ASB5: variants seen among roughly 807,000 people sequenced by gnomAD.
ASB5 encodes the protein ankyrin repeat and SOCS box protein 5.
Under a neutral mutation model 42.1 loss-of-function variants are expected in ASB5, and 45 were observed. The observed-to-expected ratio is 1.07, with a 90% CI of 0.84 to 1.37. The LOEUF (loss-of-function observed/expected upper bound fraction) is 1.37, where lower values mean the gene tolerates loss of function less well. Among genes scored for constraint, ASB5 ranks in the 40% most tolerant of loss-of-function variants. The probability of loss-of-function intolerance (pLI) is 0.00; values close to 1 mark genes in which losing one functional copy is unlikely to be tolerated. For missense variants in ASB5, 402 were observed against 399.8 expected, an observed-to-expected ratio of 1.01 and a Z score of -0.05; for synonymous variants, 147 against 150.6, an observed-to-expected ratio of 0.98 and a Z score of 0.18.
chr4:176,231,329 G>A (rs1285988007), intron 1 of ASB5, among the ~76,000 whole-genome samples: 3 of 151,386 alleles, frequency 2.0e-5, no homozygotes, highest in East Asian at 1.9e-4. Context: ...TATGACCGTC[G>A]GCCTCCAAAA....
chr4:176,238,667 T>C (rs541731846), intron 1 of ASB5, among the ~76,000 whole-genome samples: 66 of 152,280 alleles, frequency 4.3e-4, no homozygotes, highest in Admixed American at 1.4e-3. Context: ...TTTTCATCAG[T>C]ATTTTTAAGG....
chr4:176,263,537 G>C (rs1278863426), intron 1 of ASB5, among the ~76,000 whole-genome samples: 3 of 152,042 alleles, frequency 2.0e-5, no homozygotes, highest in Non-Finnish European at 2.9e-5. Flanking sequence ...ATAATGTCAT[G>C]TATTTTGTCA....
At chr4:176,229,901 A>G (rs1180701533) in intron 1 of ASB5, among the ~76,000 whole-genome samples, 1 of 152,182 alleles carries the variant, frequency 6.6e-6, no homozygotes, top group Non-Finnish European at 1.5e-5. Flanking sequence ...ATCTCTCACT[A>G]TTCCTTGAAG....
At chr4:176,233,020 T>A (rs1037057539) in intron 1 of ASB5, among the ~76,000 whole-genome samples, 2 of 152,198 alleles carry the variant, frequency 1.3e-5, no homozygotes, top group Non-Finnish European at 2.9e-5. Context: ...AGTTAACATC[T>A]TGAAACCCAG....
At chr4:176,238,811 C>G (rs1410040947) in intron 1 of ASB5, among the ~76,000 whole-genome samples, 1 of 152,178 alleles carries the variant, frequency 6.6e-6, no homozygotes, top group Non-Finnish European at 1.5e-5. Context: ...ACATTTGCTG[C>G]CATATTACAC....
rs369311517 is a variant in ASB5 at position 176,269,130 on chromosome 4, G to C, written c.-22C>G. On this transcript the variant is annotated 5_prime_UTR_variant, in exon 1 of 7. Coordinates refer to ENST00000296525, the MANE Select transcript of ASB5 (RefSeq NM_080874.4). ...ACATTGCTGCAGAAGAATCTGCGGC[G>C]GTCTTTAGTTGGATCCAAGTCTCAA... 1.9e-6 allele frequency: 3 copies of C among 1,597,636 alleles called. No homozygotes were observed. The highest frequency in any genetic ancestry group is 2.6e-6 in the Non-Finnish European group (3 of 1,170,090).
intron 1 of ASB5, among the ~76,000 whole-genome samples, chr4:176,250,480 G>T (rs952615485): frequency 5.3e-5 from 8 of 152,176 alleles, no homozygotes; most frequent in African/African-American, 1.9e-4. Context: ...CATCAGGGTA[G>T]CTTCCACTCT....
intron 1 of ASB5, among the ~76,000 whole-genome samples, chr4:176,255,470 T>A (rs1297983469): frequency 6.6e-6 from 1 of 152,206 alleles, no homozygotes; most frequent in African/African-American, 2.4e-5. Context: ...TAGATGCTCA[T>A]CAACAGTGGA....
At chr4:176,241,588 A>T (rs538091185) in intron 1 of ASB5, 1 of 1,456,834 alleles carries the variant, frequency 6.9e-7, no homozygotes, top group East Asian at 2.6e-5. Context: ...TAGGAGTCAT[A>T]TCTGAGCCCA....
intron 1 of ASB5, among the ~76,000 whole-genome samples, chr4:176,226,559 T>C (rs1170428236): frequency 1.3e-5 from 2 of 152,170 alleles, no homozygotes; most frequent in African/African-American, 4.8e-5. Context: ...TTTCTCTGTC[T>C]ATGTATCTAG....
chr4:176,276,313 T>C (rs926449219), intron 1 of ASB5, among the ~76,000 whole-genome samples: 1 of 152,196 alleles, frequency 6.6e-6, no homozygotes, highest in Non-Finnish European at 1.5e-5. Flanking sequence ...GGCACTGAAA[T>C]TTTACTGTGT....
intron 1 of ASB5, among the ~76,000 whole-genome samples, chr4:176,256,095 C>T (rs75084013): frequency 0.011 from 1,744 of 152,242 alleles, 38 homozygotes; most frequent in African/African-American, 0.04. Context: ...CTCAAGTTTG[C>T]AGTTCACCAT....
chr4:176,220,485 G>A (rs114212980), intron 5 of ASB5, among the ~76,000 whole-genome samples: 1,701 of 152,190 alleles, frequency 0.011, 33 homozygotes, highest in African/African-American at 0.039. Context: ...GAGGAACGAC[G>A]CTAAAGAAAA....
At chr4:176,221,334 C>T in intron 4 of ASB5, 45 bp from the exon 5 acceptor site, 4 of 1,607,622 alleles carry the variant, frequency 2.5e-6, no homozygotes, top group Non-Finnish European at 3.4e-6. Flanking sequence ...CCCATCCACC[C>T]CACACACCTC....
chr4:176,216,548 A>G (rs1289210773), intron 6 of ASB5, among the ~76,000 whole-genome samples: 1 of 152,124 alleles, frequency 6.6e-6, no homozygotes, highest in Non-Finnish European at 1.5e-5. Context: ...ACAGGGTTTC[A>G]CCATGTTGGC....
At chr4:176,227,227 A>G (rs938776635) in intron 1 of ASB5, among the ~76,000 whole-genome samples, 1 of 152,258 alleles carries the variant, frequency 6.6e-6, no homozygotes, top group Non-Finnish European at 1.5e-5. Context: ...GAGATATGAG[A>G]AACTAAATCA....
intron 1 of ASB5, among the ~76,000 whole-genome samples, chr4:176,248,346 T>C (rs1342785041): frequency 1.3e-5 from 2 of 152,130 alleles, no homozygotes; most frequent in Admixed American, 1.3e-4. Flanking sequence ...CAAGCTGGTC[T>C]CCTGAGCTCA....
chr4:176,225,024 T>C (rs1199913164), intron 2 of ASB5, among the ~76,000 whole-genome samples: 1 of 152,214 alleles, frequency 6.6e-6, no homozygotes, highest in Admixed American at 6.5e-5. Flanking sequence ...TAAATGTCTA[T>C]CGATGAACAA....
chr4:176,232,127 ACT>A (rs760085853), intron 1 of ASB5, among the ~76,000 whole-genome samples: 21,959 of 124,912 alleles, frequency 0.18, 1,796 homozygotes, highest in Admixed American at 0.22. Flanking sequence ...ATATATATAT[ACT>A]TTTTTTTTTT....
Sources: allele counts gnomAD v4.1 joint callset (sites outside exome capture counted in the v4.1 genomes callset), GRCh38; gene constraint gnomAD v4.1.1; transcripts MANE v1.5; gene names NCBI Gene and HGNC (gene_info 2026-07-23, HGNC 2026-07-21).